CHST8: variants seen among roughly 807,000 people sequenced by gnomAD.
CHST8 encodes the protein carbohydrate sulfotransferase 8, also known as GALNAC-4-ST1.
A neutral mutation model predicts 15.0 loss-of-function variants in CHST8; 10 were observed. The observed-to-expected ratio is 0.67, with a 90% CI of 0.41 to 1.13. CHST8 has a LOEUF of 1.13. Ranked by LOEUF, CHST8 falls within the 50% of genes most tolerant of loss-of-function variation. The probability of loss-of-function intolerance (pLI) is 0.00; values close to 1 mark genes in which losing one functional copy is unlikely to be tolerated. For missense variants in CHST8, 634 were observed against 608.2 expected (o/e 1.04, Z -0.45); for synonymous variants, 259 against 256.6 (o/e 1.01, Z -0.09).
chr19:33,693,858 C>T (rs865817920), intron 3 of CHST8, among the ~76,000 whole-genome samples: 1 of 151,472 alleles, frequency 6.6e-6, no homozygotes, highest in Non-Finnish European at 1.5e-5. Context: ...TGTTATCAGC[C>T]GCCAGAGATC....
At position 33,717,774 on chromosome 19, in the gene CHST8, G is replaced by C. The variant is rs190937230; in HGVS notation, c.130+28383G>C. On this transcript the variant is annotated intron_variant, in intron 3 of 4. Transcript: ENST00000650847. ...TGTTGGGCCCAGTTGGTCTTAGCCAGCTTGGTCCACACCCTGTTTTTCAGG... is the reference window on the plus strand; with the variant it reads ...TGTTGGGCCCAGTTGGTCTTAGCCACCTTGGTCCACACCCTGTTTTTCAGG... Among the ~76,000 whole-genome samples the C allele has an allele frequency of 7.3e-4, 111 of 152,294 alleles. 1 individual carries two copies. The East Asian group carries it at 0.02, about 28-fold the overall frequency.
At chr19:33,732,751 G>A (rs913252957) in intron 3 of CHST8, among the ~76,000 whole-genome samples, 2 of 152,048 alleles carry the variant, frequency 1.3e-5, no homozygotes, top group Non-Finnish European at 2.9e-5. Context: ...GCAGGGCAAC[G>A]CCAGACCCTC....
At chr19:33,658,991 A>G (rs572089575) in intron 1 of CHST8, among the ~76,000 whole-genome samples, 178 of 150,428 alleles carry the variant, frequency 1.2e-3, no homozygotes, top group African/African-American at 4.0e-3. Context: ...AAACAATGCT[A>G]TAGCCAATGA....
chr19:33,765,555 C>CAG (rs3073708), intron 3 of CHST8, among the ~76,000 whole-genome samples: 3,244 of 125,854 alleles, frequency 0.026, 128 homozygotes, highest in African/African-American at 0.083. Context: ...GTGTGTGTGT[C>CAG]AGAGAGAGAG....
intron 3 of CHST8, among the ~76,000 whole-genome samples, chr19:33,704,865 A>G (rs1973416731): frequency 6.6e-6 from 1 of 151,316 alleles, no homozygotes; most frequent in Non-Finnish European, 1.5e-5. Context: ...AGCTGAAATC[A>G]CGCACTACAT....
intron 3 of CHST8, among the ~76,000 whole-genome samples, chr19:33,765,762 T>C (rs765767651): frequency 3.9e-5 from 6 of 152,100 alleles, no homozygotes; most frequent in Non-Finnish European, 8.8e-5. Context: ...GGTTTCACCA[T>C]GTTGGCCAGG....
intron 2 of CHST8, among the ~76,000 whole-genome samples, chr19:33,677,448 G>A (rs1479629655): frequency 6.6e-6 from 1 of 152,172 alleles, no homozygotes; most frequent in Non-Finnish European, 1.5e-5. Context: ...TTCAAGATAA[G>A]CAAATAATTC....
chr19:33,634,221 G>A (rs1474013166), intron 1 of CHST8, among the ~76,000 whole-genome samples: 3 of 152,134 alleles, frequency 2.0e-5, no homozygotes, highest in Non-Finnish European at 4.4e-5. Context: ...TCCACGTCCT[G>A]TCCAATACTT....
chr19:33,674,909 C>T (rs984525155), intron 2 of CHST8, among the ~76,000 whole-genome samples: 2 of 152,204 alleles, frequency 1.3e-5, no homozygotes, highest in Non-Finnish European at 2.9e-5. Flanking sequence ...CTGGACTGCT[C>T]CCAGCTGGTG....
intron 3 of CHST8, among the ~76,000 whole-genome samples, chr19:33,695,629 A>G (rs1468475384): frequency 6.6e-6 from 1 of 151,832 alleles, no homozygotes; most frequent in Non-Finnish European, 1.5e-5. Context: ...TTAGGTCCCC[A>G]CAGCTTAGCT....
chr19:33,724,637 G>C (rs1201322003), intron 3 of CHST8, among the ~76,000 whole-genome samples: 2 of 152,166 alleles, frequency 1.3e-5, no homozygotes, highest in Non-Finnish European at 2.9e-5. Flanking sequence ...GCCCTGGAGG[G>C]GCACAAAGAC....
chr19:33,751,161 G>A (rs566750361), intron 3 of CHST8, among the ~76,000 whole-genome samples: 6 of 152,276 alleles, frequency 3.9e-5, no homozygotes, highest in East Asian at 1.9e-4. Flanking sequence ...TGGGGATGGC[G>A]GGGCAGGGTG....
At chr19:33,656,858 AAAC>A (rs1170789828) in intron 1 of CHST8, among the ~76,000 whole-genome samples, 16 of 152,146 alleles carry the variant, frequency 1.1e-4, no homozygotes, top group African/African-American at 3.9e-4. Context: ...TAGGTGTGTG[AAAC>A]AACGTTTATC....
intron 3 of CHST8, among the ~76,000 whole-genome samples, chr19:33,748,984 CT>C (rs1974363776): frequency 6.6e-6 from 1 of 152,152 alleles, no homozygotes; most frequent in African/African-American, 2.4e-5. Flanking sequence ...GCGCACACCC[CT>C]GAGGGCATCA....
intron 1 of CHST8, among the ~76,000 whole-genome samples, chr19:33,629,237 C>T (rs1408931363): frequency 1.3e-5 from 2 of 152,206 alleles, no homozygotes; most frequent in Admixed American, 6.5e-5. Flanking sequence ...CTGAGTGCTG[C>T]CCAGTGGTGG....
rs935136617 is a variant in CHST8 at position 33,705,388 on chromosome 19, G to A, written c.130+15997G>A. Among the ~76,000 whole-genome samples the A allele has an allele frequency of 7.2e-5, 11 of 152,312 alleles. No homozygotes were observed. In the East Asian group the frequency reaches 1.2e-3, roughly 16 times the overall value. The stretch of plus-strand genomic sequence containing the variant: ...GGTCAGGCAGGGGACCTGAGGGGTC[G>A]GGGAGGTGACTGGTCAGCAGAGATA... On this transcript the variant is annotated intron_variant, in intron 3 of 4. Coordinates refer to ENST00000650847, the MANE Select transcript of CHST8 (RefSeq NM_001127895.2).
intron 3 of CHST8, among the ~76,000 whole-genome samples, chr19:33,692,098 A>T (rs886677878): frequency 6.6e-6 from 1 of 152,140 alleles, no homozygotes; most frequent in Non-Finnish European, 1.5e-5. Flanking sequence ...CAGGCAGTAG[A>T]TGGAATTGTA....
At chr19:33,748,023 C>T (rs1441448672) in intron 3 of CHST8, among the ~76,000 whole-genome samples, 2 of 152,042 alleles carry the variant, frequency 1.3e-5, no homozygotes, top group African/African-American at 4.8e-5. Flanking sequence ...TCAGGACAGG[C>T]AGGAAGAGGA....
intron 1 of CHST8, among the ~76,000 whole-genome samples, chr19:33,642,302 C>A (rs953484115): frequency 2.6e-5 from 4 of 152,188 alleles, no homozygotes; most frequent in Admixed American, 1.3e-4. Flanking sequence ...GGGCCCCCCC[C>A]CACTCCACCT....
Sources: gnomAD v4.1 joint callset for allele counts (sites outside exome capture counted in the v4.1 genomes callset) on GRCh38, gnomAD v4.1.1 for gene constraint, MANE v1.5 for transcripts, NCBI Gene and HGNC (gene_info 2026-07-23, HGNC 2026-07-21) for gene names.